Variants in SP100 observed in about 807,000 individuals in gnomAD.
The protein encoded by SP100 is SP100 nuclear body protein, also known as nuclear autoantigen Sp-100.
Under a neutral mutation model 130.0 loss-of-function variants are expected in SP100, and 84 were observed. The observed-to-expected ratio is 0.65, with a 90% confidence interval of 0.54 to 0.77. The LOEUF (loss-of-function observed/expected upper bound fraction) is 0.77. SP100 is among the 30% of genes least tolerant of loss of function. SP100 has a pLI of 0.00. For synonymous variants in SP100, 331 were observed against 351.7 expected (o/e 0.94, Z 0.66); for missense variants, 978 against 1,052.2 (o/e 0.93, Z 0.97).
rs143519557 is a variant in SP100, at chr2:230,463,965, G to A, written c.1058-102G>A. On this transcript the variant is annotated intron_variant, in intron 10 of 28. Coordinates refer to ENST00000340126, the MANE Select transcript of SP100 (RefSeq NM_001080391.2). ...CTGTGTACAGGCGAGGACTTGCACG[G>A]ATTTTCAAGGTTTTCCAGGTTTTCT... 6 of 768,426 alleles carry A rather than the reference G, an allele frequency of 7.8e-6. No homozygotes were observed. In the East Asian group the frequency reaches 1.3e-4, roughly 17 times the overall value. The allele number at this position is 768,426 out of a possible 1,614,324, so 47.6% of individuals were successfully genotyped here.
chr2:230,470,383 C>T, intron 15 of SP100: 3 of 1,065,012 alleles, frequency 2.8e-6, no homozygotes, highest in Non-Finnish European at 3.4e-6. Context: ...AACCTGCTCT[C>T]ATTCCTATTA....
At chr2:230,515,413 G>A in intron 24 of SP100, 1 of 1,613,848 alleles carries the variant, frequency 6.2e-7, no homozygotes, top group Non-Finnish European at 8.5e-7. Context: ...GAAACTGGCA[G>A]GGATGTGGAA....
intron 2 of SP100, among the ~76,000 whole-genome samples, chr2:230,434,772 A>T (rs932673734): frequency 2.6e-5 from 4 of 152,222 alleles, no homozygotes; most frequent in African/African-American, 9.6e-5. Flanking sequence ...ATATGTGTCT[A>T]TGCTAAGTAG....
intron 15 of SP100, among the ~76,000 whole-genome samples, chr2:230,472,427 C>CAAAAAAAAAAAAA (rs201703163): frequency 8.2e-5 from 5 of 61,332 alleles, no homozygotes; most frequent in Admixed American, 4.7e-4. Context: ...GACTCCGTCT[C>CAAAAAAAAAAAAA]AAAAAAAAAA....
At chr2:230,492,308 T>G (rs1160566875) in intron 17 of SP100, among the ~76,000 whole-genome samples, 5 of 152,174 alleles carry the variant, frequency 3.3e-5, no homozygotes, top group Admixed American at 1.3e-4. Context: ...CGTTTGTTTG[T>G]TTTGGTTTGG....
chr2:230,422,697 G>A (rs2062803976), intron 2 of SP100, among the ~76,000 whole-genome samples: 2 of 151,988 alleles, frequency 1.3e-5, no homozygotes, highest in Admixed American at 1.3e-4. Context: ...TCTTATAGGT[G>A]GTTTCATGGG....
chr2:230,492,685 GCTCA>G (rs2066452472), intron 17 of SP100, among the ~76,000 whole-genome samples: 2 of 152,064 alleles, frequency 1.3e-5, no homozygotes, highest in South Asian at 4.1e-4. Flanking sequence ...TCACCCTACT[GCTCA>G]CTTTTATTTT....
At chr2:230,467,353 A>G (rs2065014367) in intron 13 of SP100, 138 bp downstream of exon 13, 1 of 657,018 alleles carries the variant, frequency 1.5e-6, no homozygotes, top group East Asian at 2.7e-5. Context: ...TGAAAAATGC[A>G]AAGAAAGAAG....
rs1272694792 is a variant in SP100 at position 230,544,412 on chromosome 2, G to C, written c.*1466G>C. Among the ~76,000 whole-genome samples the C allele has an allele frequency of 6.6e-6, 1 of 152,102 alleles. No homozygotes were observed. The highest frequency in any genetic ancestry group is 2.4e-5 in the African/African-American group (1 of 41,422). On this transcript the variant is annotated 3_prime_UTR_variant, in exon 29 of 29. Transcript: ENST00000340126. Reference sequence around the variant, plus strand: ...GCATCTGACAAAGGTCTAATAGCCAGCTTCTATAGGGAACTTAAACAAATT... The same window carrying C: ...GCATCTGACAAAGGTCTAATAGCCACCTTCTATAGGGAACTTAAACAAATT...
intron 24 of SP100, among the ~76,000 whole-genome samples, chr2:230,518,796 G>T (rs551806470): frequency 1.3e-5 from 2 of 152,194 alleles, no homozygotes; most frequent in South Asian, 4.1e-4. Context: ...TTAAATATAT[G>T]AGTATTTTGC....
chr2:230,498,564 A>C, intron 19 of SP100, 29 bp downstream of exon 19: 1 of 1,216,442 alleles, frequency 8.2e-7, no homozygotes, highest in African/African-American at 1.6e-5. Flanking sequence ...ATTTTAAATA[A>C]ATAACGTCTA....
At chr2:230,539,114 C>G in intron 24 of SP100, 153 bp from the exon 25 acceptor site, 1 of 504,060 alleles carries the variant, frequency 2.0e-6, no homozygotes, top group Admixed American at 3.0e-5. Flanking sequence ...AACTTTGCCG[C>G]AGACCAAAAT....
chr2:230,428,811 T>TG (rs1559482619), intron 2 of SP100, among the ~76,000 whole-genome samples: 2 of 152,076 alleles, frequency 1.3e-5, no homozygotes, highest in Non-Finnish European at 2.9e-5. Context: ...AAGGGGGAAA[T>TG]GCACCCCCAT....
At chr2:230,452,469 C>T (rs1341848024) in intron 8 of SP100, among the ~76,000 whole-genome samples, 1 of 152,206 alleles carries the variant, frequency 6.6e-6, no homozygotes, top group Non-Finnish European at 1.5e-5. Context: ...AGCCACTGCA[C>T]CTGGCCGCCA....
intron 24 of SP100, among the ~76,000 whole-genome samples, chr2:230,520,091 T>C (rs1691101323): frequency 6.6e-6 from 1 of 152,202 alleles, no homozygotes; most frequent in African/African-American, 2.4e-5. Context: ...AAGATTATCT[T>C]ACATGTCTCT....
Position 230,473,335 on chromosome 2 carries a change from C to A in SP100, c.1441C>A (p.Gln481Lys), listed in dbSNP as rs1326721792. 1.2e-6 allele frequency: 2 copies of A among 1,612,066 alleles called. No homozygotes were observed. Among genetic ancestry groups the A allele is most frequent in the East Asian group, 2.2e-5 (1 of 44,860 alleles). Residue 481 changes from glutamine (Q) to lysine (K), a missense_variant, in exon 16 of 29, where the codon CAA becomes AAA. By Grantham distance (53) the Gln-to-Lys change is moderately conservative. Coordinates refer to ENST00000340126, the MANE Select transcript of SP100 (RefSeq NM_001080391.2). ...SLRRGSGSQP[Q>K]EPENKKCSCV... ...AAATCACAATTTAGGATCACAGCCA[C>A]AAGAACCTGAAAATAAGAAGTGCTC...
intron 17 of SP100, among the ~76,000 whole-genome samples, chr2:230,489,769 T>A (rs933563246): frequency 2.0e-5 from 3 of 152,186 alleles, no homozygotes; most frequent in African/African-American, 7.2e-5. Context: ...ATTTCATTAT[T>A]TACCCAGGAG....
intron 4 of SP100, among the ~76,000 whole-genome samples, 156 bp downstream of exon 4, chr2:230,444,502 C>T (rs17273810): frequency 2.2e-4 from 33 of 152,116 alleles, no homozygotes; most frequent in African/African-American, 7.5e-4. Context: ...TAGCTCATGG[C>T]GTATGGCTAT....
At position 230,474,406 on chromosome 2, in the gene SP100, T is replaced by C. The variant is rs1420599378; in HGVS notation, c.1559T>C (p.Val520Ala). The C allele has an allele frequency of 1.3e-6, 2 of 1,537,724 alleles. No homozygotes were observed. The highest frequency in any genetic ancestry group is 2.7e-5 in the African/African-American group (2 of 72,848). Reference protein sequence around the residue: ...QASDMMDTMDVENNSTLEKHS... With the variant: ...QASDMMDTMDAENNSTLEKHS... ...TGTCACTTTCTAGATACCATGGATG[T>C]TGAAAACAATTCTACTTTGGAAAAA... Residue 520 changes from valine (V) to alanine (A), a missense_variant, in exon 17 of 29, where the codon GTT (valine) becomes GCT (alanine). Transcript: ENST00000340126.
Sources: allele counts gnomAD v4.1 joint callset (sites outside exome capture counted in the v4.1 genomes callset), GRCh38; gene constraint gnomAD v4.1.1; transcripts MANE v1.5; gene names NCBI Gene and HGNC (gene_info 2026-07-23, HGNC 2026-07-21).